The following SH3KBP1 variants were observed in gnomAD, a reference collection of about 807,000 sequenced individuals.
The protein encoded by SH3KBP1 is SH3 domain containing kinase binding protein 1.
A neutral mutation model predicts 50.1 loss-of-function variants in SH3KBP1; 8 were observed. That is an observed-to-expected ratio of 0.16 (90% CI 0.09 to 0.29). The LOEUF (loss-of-function observed/expected upper bound fraction) is 0.29. Among genes scored for constraint, SH3KBP1 ranks in the 10% least tolerant of loss-of-function variants. The pLI, the probability that SH3KBP1 is intolerant of heterozygous loss-of-function variation, is 1.00. For synonymous variants in SH3KBP1, 227 were observed against 218.6 expected, an observed-to-expected ratio of 1.04 and a Z score of -0.34; for missense variants, 377 against 535.2, an observed-to-expected ratio of 0.70 and a Z score of 2.92.
intron 3 of SH3KBP1, among the ~76,000 whole-genome samples, chrX:19,712,389 A>AT (rs1241446031): frequency 1.8e-5 from 2 of 112,273 alleles, no homozygotes; most frequent in African/African-American, 3.2e-5. Flanking sequence ...TAAAAAATTC[A>AT]TGAGTCCATA....
chrX:19,598,009 C>T (rs1391964718), intron 9 of SH3KBP1, among the ~76,000 whole-genome samples: 2 of 112,519 alleles, frequency 1.8e-5, no homozygotes, highest in African/African-American at 3.2e-5. Flanking sequence ...TCACCTTGTA[C>T]TTTTATGTTA....
intron 3 of SH3KBP1, among the ~76,000 whole-genome samples, chrX:19,719,227 C>T (rs1161834966): frequency 9.0e-6 from 1 of 111,306 alleles, no homozygotes; most frequent in African/African-American, 3.3e-5. Context: ...CAATTCGACT[C>T]ACTCACATCT....
intron 5 of SH3KBP1, among the ~76,000 whole-genome samples, chrX:19,693,147 T>G (rs1162647932): frequency 8.9e-6 from 1 of 112,173 alleles, no homozygotes; most frequent in Non-Finnish European, 1.9e-5. Context: ...CTTCTTCAGA[T>G]GCTTACTTTG....
At chrX:19,608,314 T>C (rs1248238087) in intron 8 of SH3KBP1, among the ~76,000 whole-genome samples, 1 of 102,586 alleles carries the variant, frequency 9.7e-6, no homozygotes, top group African/African-American at 3.6e-5. Flanking sequence ...TTCTTTTTTT[T>C]TTTTTTTTTT....
intron 3 of SH3KBP1, among the ~76,000 whole-genome samples, chrX:19,734,977 T>C (rs1271270049): frequency 1.8e-5 from 2 of 112,364 alleles, no homozygotes; most frequent in African/African-American, 6.5e-5. Flanking sequence ...TGAACATTCA[T>C]GTACAGTTAT....
At chrX:19,804,099 G>C (rs1316232946) in intron 2 of SH3KBP1, among the ~76,000 whole-genome samples, 1 of 112,035 alleles carries the variant, frequency 8.9e-6, no homozygotes, top group Non-Finnish European at 1.9e-5. Context: ...TTGAACTCGG[G>C]AGGCAGAGGT....
chrX:19,632,753 A>G (rs1034640154), intron 7 of SH3KBP1, among the ~76,000 whole-genome samples: 1 of 113,126 alleles, frequency 8.8e-6, no homozygotes, highest in Middle Eastern at 4.6e-3. Flanking sequence ...ATCTGAAAGC[A>G]CAAGTTACGA....
At chrX:19,592,996 T>C (rs956637545) in intron 10 of SH3KBP1, among the ~76,000 whole-genome samples, 2 of 112,256 alleles carry the variant, frequency 1.8e-5, no homozygotes, top group Admixed American at 9.4e-5. Flanking sequence ...ACCCACAGAA[T>C]CCATGAACAT....
chrX:19,673,015 G>C (rs1399385986), intron 6 of SH3KBP1, among the ~76,000 whole-genome samples: 1 of 98,761 alleles, frequency 1.0e-5, no homozygotes, highest in Non-Finnish European at 2.0e-5. Context: ...GCAGTGAGCC[G>C]AGATGGCGCC....
chrX:19,686,837 G>GA (rs930581300), intron 5 of SH3KBP1, among the ~76,000 whole-genome samples: 6 of 111,065 alleles, frequency 5.4e-5, no homozygotes, highest in African/African-American at 9.8e-5. Flanking sequence ...CCTTCAAGGT[G>GA]AAAAAAAAGA....
rs191177115 is a variant in SH3KBP1 at position 19,741,662 on chromosome X, A to T, written c.286+4656T>A. Among the ~76,000 whole-genome samples, 3 of 112,060 alleles carry T rather than the reference A, an allele frequency of 2.7e-5. No homozygotes were observed. In the East Asian group the frequency reaches 8.4e-4, roughly 31 times the overall value. ...ATTCAGAATGACAGAAGTAAATACA[A>T]GACACATCCCCACCTTGCCATCAAA... On this transcript the variant is annotated intron_variant, in intron 3 of 17. Coordinates refer to ENST00000397821, the MANE Select transcript of SH3KBP1 (RefSeq NM_031892.3).
chrX:19,726,405 G>A (rs942119335), intron 3 of SH3KBP1, among the ~76,000 whole-genome samples: 3 of 111,588 alleles, frequency 2.7e-5, no homozygotes, highest in African/African-American at 9.8e-5. Context: ...TTGTTTAAAG[G>A]ACTGCATAGA....
chrX:19,865,107 G>A (rs1350333395), intron 1 of SH3KBP1, among the ~76,000 whole-genome samples: 1 of 112,510 alleles, frequency 8.9e-6, no homozygotes, highest in African/African-American at 3.2e-5. Flanking sequence ...GGCAAGAATG[G>A]GGATAGTAAA....
At chrX:19,887,166 G>T in intron 1 of SH3KBP1, 141 bp downstream of exon 1, 1 of 461,507 alleles carries the variant, frequency 2.2e-6, no homozygotes, top group South Asian at 1.1e-4. Context: ...GGGGGTGCGC[G>T]AGGCAGGCGA....
intron 2 of SH3KBP1, among the ~76,000 whole-genome samples, chrX:19,810,532 G>A (rs2067175847): frequency 8.9e-6 from 1 of 111,858 alleles, no homozygotes; most frequent in Non-Finnish European, 1.9e-5. Context: ...CCCTGCCTGA[G>A]AACCATCACT....
chrX:19,588,115 C>A (rs1396815905), intron 12 of SH3KBP1, among the ~76,000 whole-genome samples: 2 of 111,817 alleles, frequency 1.8e-5, no homozygotes, highest in Non-Finnish European at 3.8e-5. Flanking sequence ...AAGCATGTCC[C>A]CAGCCGTTGA....
At chrX:19,549,345 T>C (rs908700628) in intron 14 of SH3KBP1, among the ~76,000 whole-genome samples, 1 of 112,366 alleles carries the variant, frequency 8.9e-6, no homozygotes, top group Non-Finnish European at 1.9e-5. Flanking sequence ...CTTTATACAT[T>C]TTGTAGTTCA....
intron 7 of SH3KBP1, among the ~76,000 whole-genome samples, chrX:19,636,162 A>AG (rs1362891997): frequency 3.2e-4 from 35 of 109,528 alleles, no homozygotes; most frequent in Non-Finnish European, 3.4e-4. Context: ...GAGAGAGAGA[A>AG]AAAATAAAGC....
At chrX:19,701,121 CT>C (rs1382936019) in intron 4 of SH3KBP1, among the ~76,000 whole-genome samples, 1 of 111,961 alleles carries the variant, frequency 8.9e-6, no homozygotes, top group African/African-American at 3.2e-5. Flanking sequence ...TTCAGCAGTG[CT>C]TGATAATCCT....
Sources: gnomAD v4.1 joint callset for allele counts (sites outside exome capture counted in the v4.1 genomes callset) on GRCh38, gnomAD v4.1.1 for gene constraint, MANE v1.5 for transcripts, NCBI Gene and HGNC (gene_info 2026-07-23, HGNC 2026-07-21) for gene names.